ZNF487: variants seen among roughly 807,000 people sequenced by gnomAD.
The protein encoded by ZNF487 is KRAB domain only 1.
Under a neutral mutation model 3.0 loss-of-function variants are expected in ZNF487, and 4 were observed. The ratio of observed to expected loss-of-function variants is 1.35; its 90% CI spans 0.66 to 3.08. The LOEUF (loss-of-function observed/expected upper bound fraction) is 3.08. Ranked by LOEUF, ZNF487 falls within the 30% of genes most tolerant of loss-of-function variation. The pLI is 0.01. For missense variants in ZNF487, 146 were observed against 98.7 expected, an observed-to-expected ratio of 1.48 and a Z score of -2.03; for synonymous variants, 55 against 34.6, an observed-to-expected ratio of 1.59 and a Z score of -2.06.
intron 1 of ZNF487, among the ~76,000 whole-genome samples, chr10:43,464,855 A>G (rs1409694190): frequency 2.0e-5 from 3 of 152,108 alleles, no homozygotes; most frequent in Non-Finnish European, 4.4e-5. Flanking sequence ...CGCCATCGTC[A>G]TCATGGCCCG....
chr10:43,458,499 A>T (rs1486246723), intron 1 of ZNF487, among the ~76,000 whole-genome samples: 1 of 152,182 alleles, frequency 6.6e-6, no homozygotes, highest in Non-Finnish European at 1.5e-5. Flanking sequence ...AGTGAGATGC[A>T]GGTTTGCCCT....
At chr10:43,472,361 AT>A (rs1246493831) in intron 1 of ZNF487, among the ~76,000 whole-genome samples, 1 of 152,062 alleles carries the variant, frequency 6.6e-6, no homozygotes, top group Non-Finnish European at 1.5e-5. Flanking sequence ...CCTTGGAATT[AT>A]TTTTGAACTG....
intron 1 of ZNF487, among the ~76,000 whole-genome samples, chr10:43,472,442 A>G (rs1163183397): frequency 1.3e-5 from 2 of 152,158 alleles, no homozygotes; most frequent in Non-Finnish European, 1.5e-5. Flanking sequence ...ATATATCCAC[A>G]GAGTCTGACC....
At chr10:43,448,190 C>T (rs932047695) in intron 1 of ZNF487, among the ~76,000 whole-genome samples, 1 of 151,710 alleles carries the variant, frequency 6.6e-6, no homozygotes, top group South Asian at 2.1e-4. Context: ...GGGGTTTCAC[C>T]GTGTTGGCCA....
the ZNF487 span, among the ~76,000 whole-genome samples, chr10:43,520,323 C>T: frequency 0.24 from 35,988 of 151,972 alleles, 4,541 homozygotes; most frequent in Non-Finnish European, 0.26. Context: ...TACTCTTTTA[C>T]ATTTATTCAC....
At position 43,479,038 on chromosome 10, in the gene ZNF487, T is replaced by C. The variant is rs1841207427; in HGVS notation, c.131-2391T>C. Among the ~76,000 whole-genome samples the C allele has an allele frequency of 2.0e-5, 3 of 150,214 alleles. No homozygotes were observed. The South Asian group carries it at 6.3e-4, about 31-fold the overall frequency. On this transcript the variant is annotated intron_variant, in intron 3 of 3. Coordinates refer to ENST00000437590, the MANE Select transcript of ZNF487 (RefSeq NM_001355444.3). ...GATAAACAAAGAGAAAATTTATATATATATATATTTGTGTGTGTGTGTGAA... is the reference window on the plus strand; with the variant it reads ...GATAAACAAAGAGAAAATTTATATACATATATATTTGTGTGTGTGTGTGAA...
the ZNF487 span, among the ~76,000 whole-genome samples, chr10:43,520,966 C>G: frequency 6.6e-6 from 1 of 152,102 alleles, no homozygotes; most frequent in Non-Finnish European, 1.5e-5. Context: ...TTTCTTAGTC[C>G]TTTGGGACAC....
At position 43,481,867 on chromosome 10, in the gene ZNF487, A is replaced by C. The variant is rs1186755030; in HGVS notation, c.569A>C (p.His190Pro). The C allele has an allele frequency of 4.3e-6, 3 of 701,734 alleles. No individual in the cohort carries two copies. In the East Asian group the frequency reaches 8.0e-5, roughly 19 times the overall value. The allele number at this position is 701,734 out of a possible 1,614,324, so 43.5% of individuals were successfully genotyped here. A position where few individuals can be genotyped will look rare whatever the true frequency, so the allele number is the denominator to read the frequency against. The change falls in exon 4 of 4, where the codon CAT becomes CCT. Residue 190 changes from histidine to proline, a missense_variant. Physicochemically the swap from His to Pro is moderately conservative, Grantham distance 77. Transcript: ENST00000437590. Reference protein sequence around the residue: ...FEYNQCGKAFHEEAACSTHKR... With the variant: ...FEYNQCGKAFPEEAACSTHKR... ...TACAATCAGTGTGGGAAGGCTTTTC[A>C]TGAAGAGGCAGCCTGCAGTACCCAT...
the ZNF487 span, among the ~76,000 whole-genome samples, chr10:43,511,410 A>C: frequency 3.3e-5 from 5 of 152,202 alleles, no homozygotes; most frequent in Admixed American, 3.3e-4. Flanking sequence ...GAGTCCACAG[A>C]TGGTAGTCTT....
At position 43,480,084 on chromosome 10, in the gene ZNF487, CTTTCT is replaced by C. The variant is rs375980543; in HGVS notation, c.131-1322_131-1318del. On this transcript the variant is annotated intron_variant, in intron 3 of 3. Coordinates refer to ENST00000437590, the MANE Select transcript of ZNF487 (RefSeq NM_001355444.3). ...TCCTTGCTTCCTTCCTTCCTTCCTT[CTTTCT>C]TTTCTTTTCTTTTCTTTTCTTTCTT... Among the ~76,000 whole-genome samples, 213 of 139,828 alleles carry C rather than the reference CTTTCT, an allele frequency of 1.5e-3. 1 individual carries two copies. The highest frequency in any genetic ancestry group is 7.3e-3 in the Middle Eastern group (2 of 274). The allele number at this position is 139,828 out of a possible 152,430, so 91.7% of individuals were successfully genotyped here. A position where few individuals can be genotyped will look rare whatever the true frequency, so the allele number is the denominator to read the frequency against.
intron 1 of ZNF487, among the ~76,000 whole-genome samples, chr10:43,439,246 A>G (rs1165131890): frequency 6.6e-6 from 1 of 151,936 alleles, no homozygotes; most frequent in African/African-American, 2.4e-5. Context: ...CGTCTCAAAA[A>G]AAAATCAGCT....
chr10:43,520,675 T>C, the ZNF487 span, among the ~76,000 whole-genome samples: 4,479 of 152,348 alleles, frequency 0.029, 128 homozygotes, highest in African/African-American at 0.068. Context: ...CACCACCTTT[T>C]AACTGTAAAG....
At chr10:43,498,091 A>ATTTTT in the ZNF487 span, among the ~76,000 whole-genome samples, 1 of 27,956 alleles carries the variant, frequency 3.6e-5, no homozygotes, top group Admixed American at 6.6e-4. Context: ...ATATATATAT[A>ATTTTT]TATATATATT....
chr10:43,486,419 G>A (rs746200569), downstream of ZNF487, among the ~76,000 whole-genome samples: 3 of 151,990 alleles, frequency 2.0e-5, no homozygotes, highest in East Asian at 1.9e-4. Flanking sequence ...CCAGCTACTC[G>A]GGAGGCTGAG....
Position 43,481,973 on chromosome 10 carries a change from A to G in ZNF487, c.*51A>G, listed in dbSNP as rs1841381890. Reference sequence around the variant, plus strand: ...TCCGATAGACCAATATTCATTGTTCATCAGAGAACTCACATAAGGAAGAGT... The same window carrying G: ...TCCGATAGACCAATATTCATTGTTCGTCAGAGAACTCACATAAGGAAGAGT... On this transcript the variant is annotated 3_prime_UTR_variant, in exon 4 of 4. Coordinates refer to ENST00000437590, the MANE Select transcript of ZNF487 (RefSeq NM_001355444.3). 1.7e-6 allele frequency: 1 copy of G among 601,058 alleles called. No individual in the cohort carries two copies. Among genetic ancestry groups the G allele is most frequent in the Non-Finnish European group, 2.9e-6 (1 of 340,808 alleles). 37.2% of individuals were successfully genotyped at this position (601,058 alleles called of 1,614,324 possible). A position where few individuals can be genotyped will look rare whatever the true frequency, so the allele number is the denominator to read the frequency against.
chr10:43,480,646 C>T (rs1024826174), intron 3 of ZNF487, among the ~76,000 whole-genome samples: 5 of 151,398 alleles, frequency 3.3e-5, no homozygotes, highest in African/African-American at 1.2e-4. Context: ...GAACGCTTGA[C>T]TTCAGGTGAT....
intron 1 of ZNF487, among the ~76,000 whole-genome samples, chr10:43,440,399 A>G (rs17843132): frequency 1.3e-5 from 2 of 151,692 alleles, no homozygotes; most frequent in African/African-American, 4.8e-5. Flanking sequence ...GCTCACACCT[A>G]TAATCCCAGC....
chr10:43,469,910 A>G (rs1465543181), intron 1 of ZNF487, among the ~76,000 whole-genome samples: 1 of 151,890 alleles, frequency 6.6e-6, no homozygotes, highest in East Asian at 1.9e-4. Context: ...AGATCACACC[A>G]CTGCTCTCCA....
chr10:43,452,005 T>C (rs1262568347), intron 1 of ZNF487: 1 of 152,282 alleles, frequency 6.6e-6, no homozygotes, highest in African/African-American at 2.4e-5. Flanking sequence ...ACCTGCATGA[T>C]GAGAACAAGG....
Sources: allele counts gnomAD v4.1 joint callset (sites outside exome capture counted in the v4.1 genomes callset), GRCh38; gene constraint gnomAD v4.1.1; transcripts MANE v1.5; gene names NCBI Gene and HGNC (gene_info 2026-07-23, HGNC 2026-07-21).